ETFB: variants seen among roughly 807,000 people sequenced by gnomAD.
ETFB encodes beta-ETF.
A neutral mutation model predicts 25.6 loss-of-function variants in ETFB; 20 were observed. That is an observed-to-expected ratio of 0.78 (90% confidence interval 0.55 to 1.14). The LOEUF (loss-of-function observed/expected upper bound fraction) is 1.14. Ranked by LOEUF, ETFB falls within the 50% of genes most tolerant of loss-of-function variation. The pLI, the probability that ETFB is intolerant of heterozygous loss-of-function variation, is 0.00. For synonymous variants in ETFB, 142 were observed against 146.7 expected, an observed-to-expected ratio of 0.97 and a Z score of 0.23; for missense variants, 286 against 342.6, an observed-to-expected ratio of 0.83 and a Z score of 1.30.
At chr19:51,348,737 C>T (rs1189169921) in intron 4 of ETFB, among the ~76,000 whole-genome samples, 2 of 152,016 alleles carry the variant, frequency 1.3e-5, no homozygotes, top group East Asian at 3.8e-4. Flanking sequence ...CACAGATACC[C>T]AATGCAGTTA....
At chr19:51,356,033 A>G (rs11880489) in intron 1 of ETFB, 126,988 of 151,032 alleles carry the variant, frequency 0.84, 54,528 homozygotes, top group African/African-American at 0.94. Context: ...CATGGCACAT[A>G]TAAACACATG....
intron 1 of ETFB, among the ~76,000 whole-genome samples, chr19:51,358,043 C>A (rs906967984): frequency 3.3e-5 from 5 of 152,126 alleles, no homozygotes; most frequent in African/African-American, 1.2e-4. Context: ...GGGAAGACGG[C>A]GAGTTTGGTT....
rs12981254 is a variant in ETFB at position 51,346,673 on chromosome 19, G to C, written c.597+227C>G. On this transcript the variant is annotated intron_variant, in intron 5 of 5. Transcript: ENST00000309244. ...CCAGCGAAGGCTTTCTACTGGCCTA[G>C]ATACCAGCAAGCCCTCCCTGCTAGC... The C allele has an allele frequency of 0.42, 236,199 of 562,512 alleles. 53,102 individuals carry two copies. Among genetic ancestry groups the C allele is most frequent in the Non-Finnish European group, 0.48 (151,604 of 313,844 alleles). 34.8% of individuals were successfully genotyped at this position (562,512 alleles called of 1,614,324 possible).
At chr19:51,363,164 G>A (rs1054619928) in intron 1 of ETFB, among the ~76,000 whole-genome samples, 2 of 152,284 alleles carry the variant, frequency 1.3e-5, no homozygotes, top group Admixed American at 6.5e-5. Context: ...CCCAGAGAAG[G>A]TGATGTTTGA....
Position 51,354,700 on chromosome 19 carries a change from A to G in ETFB, c.58-392T>C, listed in dbSNP as rs150618116. On this transcript the variant is annotated intron_variant, in intron 1 of 5. Coordinates refer to ENST00000309244, the MANE Select transcript of ETFB (RefSeq NM_001985.3). Reference sequence around the variant, plus strand: ...CACTGATACATAAATACAAATGAGGAGAAGAAAAGGAAAAACCAGTTAGGT... The same window carrying G: ...CACTGATACATAAATACAAATGAGGGGAAGAAAAGGAAAAACCAGTTAGGT... 3,172 of 1,594,728 alleles carry G rather than the reference A, an allele frequency of 2.0e-3. 7 individuals carry two copies. The highest frequency in any genetic ancestry group is 2.5e-3 in the Non-Finnish European group (2,972 of 1,167,534).
intron 3 of ETFB, among the ~76,000 whole-genome samples, chr19:51,351,683 C>G (rs1009256859): frequency 2.6e-5 from 4 of 152,248 alleles, no homozygotes; most frequent in African/African-American, 9.6e-5. Context: ...GTTGACTGAT[C>G]TGTACTCTGA....
chr19:51,353,113 G>C lies in ETFB; in HGVS notation c.375+19C>G. The C allele has an allele frequency of 6.2e-7, 1 of 1,613,710 alleles. No homozygotes were observed. ...GCAGGGATGAGCAAGGGGGCACAGG[G>C]AGGGCTGACCACAGCTACCTGTTTG... is the stretch of plus-strand genomic sequence containing the variant. On this transcript the variant is annotated intron_variant, in intron 3 of 5. Transcript: ENST00000309244.
At chr19:51,360,402 A>AAC (rs1986191293) in intron 1 of ETFB, among the ~76,000 whole-genome samples, 1 of 148,242 alleles carries the variant, frequency 6.7e-6, no homozygotes, top group African/African-American at 2.5e-5. Flanking sequence ...TTCTATCTCA[A>AAC]AAAAAAAAAA....
At chr19:51,356,131 A>T (rs1256150724) in intron 1 of ETFB, 1 of 151,914 alleles carries the variant, frequency 6.6e-6, no homozygotes, top group African/African-American at 2.4e-5. Flanking sequence ...TTAAAAAAAA[A>T]GCTTTTGGAA....
At chr19:51,347,360 A>G (rs972141755) in intron 4 of ETFB, 9 of 338,910 alleles carry the variant, frequency 2.7e-5, no homozygotes, top group African/African-American at 1.9e-4. Flanking sequence ...CAACTGATGT[A>G]TCAAGTCATC....
At chr19:51,357,991 G>A (rs772621939) in intron 1 of ETFB, among the ~76,000 whole-genome samples, 5 of 152,176 alleles carry the variant, frequency 3.3e-5, no homozygotes, top group Non-Finnish European at 5.9e-5. Flanking sequence ...ATGGGAAGAT[G>A]ACACCAAAAA....
At chr19:51,356,652 G>A (rs1458666988) in intron 1 of ETFB, 1 of 152,188 alleles carries the variant, frequency 6.6e-6, no homozygotes, top group African/African-American at 2.4e-5. Flanking sequence ...GGCTTCCGGT[G>A]TAGACCAGGG....
At chr19:51,352,100 CT>C (rs1202329529) in intron 3 of ETFB, among the ~76,000 whole-genome samples, 6 of 152,038 alleles carry the variant, frequency 3.9e-5, no homozygotes, top group Non-Finnish European at 1.5e-5. Context: ...CCATGTACCC[CT>C]ATCTCAGTGG....
intron 1 of ETFB, chr19:51,354,725 T>G (rs1354739806): frequency 1.3e-6 from 2 of 1,514,092 alleles, no homozygotes; most frequent in African/African-American, 2.8e-5. Context: ...ACCAGTTAGG[T>G]AGACAGTTAA....
At chr19:51,350,213 C>G (rs981137872) in intron 4 of ETFB, 116 bp downstream of exon 4, 1 of 1,180,132 alleles carries the variant, frequency 8.5e-7, no homozygotes, top group African/African-American at 1.5e-5. Context: ...ATGAGGCAAT[C>G]CGAGGGAACA....
At chr19:51,358,850 A>C (rs12977943) in intron 1 of ETFB, among the ~76,000 whole-genome samples, 71,357 of 147,292 alleles carry the variant, frequency 0.48, 18,010 homozygotes, top group Non-Finnish European at 0.56. Context: ...AAAAAAAAAA[A>C]CAGCCAGGTA....
chr19:51,347,137 G>T, intron 4 of ETFB, 79 bp from the exon 5 acceptor site: 3 of 1,419,400 alleles, frequency 2.1e-6, no homozygotes, highest in South Asian at 1.2e-5. Context: ...TGCCACTACT[G>T]AGTACACGCA....
Position 51,354,540 on chromosome 19 carries a change from T to TGACTTGATCATCC in ETFB, c.58-245_58-233dup, listed in dbSNP as rs774561602. The TGACTTGATCATCC allele has an allele frequency of 1.9e-6, 3 of 1,614,254 alleles. No individual in the cohort carries two copies. The South Asian group carries it at 3.3e-5, about 18-fold the overall frequency. ...GCCATTCCTGGGTACCAGGGACATC[T>TGACTTGATCATCC]GACTTGATCATCCCTACTGTTGTCA... On this transcript the variant is annotated intron_variant, in intron 1 of 5. Transcript: ENST00000309244.
chr19:51,359,332 A>G (rs1346014598), intron 1 of ETFB, among the ~76,000 whole-genome samples: 11 of 151,642 alleles, frequency 7.3e-5, no homozygotes, highest in East Asian at 1.9e-4. Context: ...TGATGGGATT[A>G]CAGGTGTGAG....
Sources: gnomAD v4.1 joint callset for allele counts (sites outside exome capture counted in the v4.1 genomes callset) on GRCh38, gnomAD v4.1.1 for gene constraint, MANE v1.5 for transcripts, NCBI Gene and HGNC (gene_info 2026-07-23, HGNC 2026-07-21) for gene names.